The following PSG4 variants were observed in gnomAD, a reference collection of about 807,000 sequenced individuals.
PSG4 encodes pregnancy specific beta-1-glycoprotein 4.
A neutral mutation model predicts 44.3 loss-of-function variants in PSG4; 61 were observed. The ratio of observed to expected loss-of-function variants is 1.38; its 90% CI spans 1.12 to 1.70. The LOEUF (loss-of-function observed/expected upper bound fraction) is 1.70. PSG4 is among the 40% of genes most tolerant of loss of function. The probability of loss-of-function intolerance (pLI) is 0.00; values close to 1 mark genes in which losing one functional copy is unlikely to be tolerated. For missense variants in PSG4, 677 were observed against 511.7 expected, an observed-to-expected ratio of 1.32 and a Z score of -3.12; for synonymous variants, 248 against 191.3, an observed-to-expected ratio of 1.30 and a Z score of -2.45.
chr19:43,194,067 CA>C, intron 5 of PSG4: 1 of 1,196,994 alleles, frequency 8.4e-7, no homozygotes, highest in East Asian at 2.6e-5. Flanking sequence ...AAATAAAAAT[CA>C]TAAAAATATT....
intron 3 of PSG4, chr19:43,196,755 G>T (rs191069615): frequency 6.6e-6 from 1 of 151,084 alleles, no homozygotes; most frequent in Non-Finnish European, 1.5e-5. Context: ...ATTTTCTGTC[G>T]TCAGAACTTT....
chr19:43,198,167 C>T lies in PSG4; in HGVS notation c.539G>A (p.Trp180Ter), dbSNP rs1355983128. The change falls in exon 3 of 6, where the codon TGG (tryptophan) becomes TAG (stop). Residue 180 changes from tryptophan (W) to a stop codon, truncating the protein, a stop_gained. Transcript: ENST00000405312. LOFTEE classifies it high-confidence loss of function. The part of the protein sequence containing the change: ...DPATPAASYQ[W>*]WMNGQSLPMT... ...AGGGAGGCTCTGACCATTCATCCAC[C>T]ACTGGTAGCTTGCGGCTGGAGTCGC... 3 of 1,587,958 alleles carry T rather than the reference C, an allele frequency of 1.9e-6. No individual in the cohort carries two copies. The highest frequency in any genetic ancestry group is 2.6e-6 in the Non-Finnish European group (3 of 1,171,934).
rs368851887 is a variant in PSG4, at chr19:43,195,213, A to G, written c.770T>C (p.Val257Ala). 9.9e-6 allele frequency: 16 copies of G among 1,610,222 alleles called. 1 individual carries two copies. Among genetic ancestry groups the G allele is most frequent in the African/African-American group, 2.7e-5 (2 of 74,408 alleles). Residue 257 changes from valine to alanine, a missense_variant, in exon 4 of 6, where the codon GTC becomes GCC. Physicochemically the swap from Val to Ala is moderately conservative, Grantham distance 64. Transcript: ENST00000405312. ...CTTAGGTTCACAGGTGAAGGTTAAG[A>G]CATCCTTATTCTCTCTGGGGTTTAA... is the stretch of plus-strand genomic sequence containing the variant. The part of the protein sequence containing the change: ...NNLNPRENKD[V>A]LTFTCEPKSK...
Position 43,196,916 on chromosome 19 carries a change from A to C in PSG4, c.709+1081T>G, listed in dbSNP as rs1325840005. The C allele has an allele frequency of 6.6e-5, 9 of 135,722 alleles. 1 individual carries two copies. In the East Asian group the frequency reaches 1.8e-3, roughly 26 times the overall value. The allele number at this position is 135,722 out of a possible 1,614,324, so 8.4% of individuals were successfully genotyped here. A position where few individuals can be genotyped will look rare whatever the true frequency, so the allele number is the denominator to read the frequency against. ...TAGGGGTTGCATTGAATCTGCAACT[A>C]ACTTTGGGTAGTATTGTCTTTCTAA... On this transcript the variant is annotated intron_variant, in intron 3 of 5. Transcript: ENST00000405312.
chr19:43,200,234 G>A (rs1967441420), intron 2 of PSG4, among the ~76,000 whole-genome samples: 2 of 144,530 alleles, frequency 1.4e-5, no homozygotes, highest in South Asian at 2.2e-4. Flanking sequence ...TATGAAAATG[G>A]CATCATCATG....
chr19:43,204,835 C>A lies in PSG4; in HGVS notation c.65-584G>T, dbSNP rs558879402. 25 of 426,416 alleles carry A rather than the reference C, an allele frequency of 5.9e-5. 3 individuals are homozygous for A. Among genetic ancestry groups the A allele is most frequent in the African/African-American group, 4.2e-4 (18 of 42,418 alleles). The allele number at this position is 426,416 out of a possible 1,614,324, so 26.4% of individuals were successfully genotyped here. A position where few individuals can be genotyped will look rare whatever the true frequency, so the allele number is the denominator to read the frequency against. The stretch of plus-strand genomic sequence containing the variant: ...CCACCCTCTGGATGTTTCTTTTTCC[C>A]CCCAATTGTTGAGGTTTCTTGCTGA... On this transcript the variant is annotated intron_variant, in intron 1 of 5. Transcript: ENST00000405312.
chr19:43,194,440 G>T lies in PSG4; in HGVS notation c.1143C>A (p.Ile381=). The change falls in exon 5 of 6, where the codon ATC becomes ATA. Residue 381 remains isoleucine, a synonymous_variant. Transcript: ENST00000405312. The stretch of plus-strand genomic sequence containing the variant: ...CACTATGCTTTGTAGTTATTTGGGG[G>T]ATAGAGAGCTTTTGTCCTGATAGCT... The part of the protein sequence containing the change: ...KFQLSGQKLS[I]PQITTKHSGL... 1 of 1,612,428 alleles carries T rather than the reference G, an allele frequency of 6.2e-7. No individual in the cohort carries two copies. The highest frequency in any genetic ancestry group is 1.1e-5 in the South Asian group (1 of 91,028).
At chr19:43,204,608 C>G (rs1236713895) in intron 1 of PSG4, 1 of 254,346 alleles carries the variant, frequency 3.9e-6, no homozygotes, top group Non-Finnish European at 7.1e-6. Flanking sequence ...CTGGGTCTTC[C>G]CTTTCTGACC....
chr19:43,204,701 A>ACCGCCC, intron 1 of PSG4: 1 of 183,408 alleles, frequency 5.5e-6, no homozygotes, highest in Non-Finnish European at 9.5e-6. Flanking sequence ...TCTTCCCCCC[A>ACCGCCC]CGATGACTGT....
In PSG4 at chr19:43,194,323, T is replaced by C. The variant is rs760003046; in HGVS notation, c.1243+17A>G. On this transcript the variant is annotated intron_variant, in intron 5 of 5. Transcript: ENST00000405312. The stretch of plus-strand genomic sequence containing the variant: ...CCACCTAAATCCCTATTGCCAAGGA[T>C]GCTGGGATCCACTTACCAGAGACTT... 3.1e-6 allele frequency: 5 copies of C among 1,612,182 alleles called. No homozygotes were observed. The East Asian group carries it at 1.1e-4, about 36-fold the overall frequency.
rs1399993388 is a variant in PSG4 at position 43,193,300 on chromosome 19, C to T, written c.*72G>A. On this transcript the variant is annotated 3_prime_UTR_variant, in exon 6 of 6. Transcript: ENST00000405312. The stretch of plus-strand genomic sequence containing the variant: ...AGTTGTCCACCTCCAGCTTATAGGG[C>T]TTCTGGAACAGAGTGGGTCTTGCTC... 1 of 774,116 alleles carries T rather than the reference C, an allele frequency of 1.3e-6. No individual in the cohort carries two copies. The highest frequency in any genetic ancestry group is 2.4e-5 in the East Asian group (1 of 41,242). 48.0% of individuals were successfully genotyped at this position (774,116 alleles called of 1,614,324 possible).
At chr19:43,198,308 G>A in intron 2 of PSG4, 33 bp from the exon 3 acceptor site, 3 of 1,563,290 alleles carry the variant, frequency 1.9e-6, no homozygotes, top group Non-Finnish European at 2.6e-6. Flanking sequence ...TTTGCCCTGT[G>A]TGGCATCTTT....
chr19:43,196,570 T>C (rs983812431), intron 3 of PSG4: 2 of 151,678 alleles, frequency 1.3e-5, no homozygotes, highest in Non-Finnish European at 2.9e-5. Flanking sequence ...AGCATTTCTT[T>C]TCAGCATCAG....
At chr19:43,196,439 T>TA (rs1967249565) in intron 3 of PSG4, 1 of 151,620 alleles carries the variant, frequency 6.6e-6, no homozygotes, top group Non-Finnish European at 1.5e-5. Flanking sequence ...GTATTATGCA[T>TA]AAGACTTAGA....
rs1018608552 is a variant in PSG4, at chr19:43,199,561, A to C, written c.431-1286T>G. Among the ~76,000 whole-genome samples the C allele has an allele frequency of 3.4e-5, 5 of 145,666 alleles. 1 individual carries two copies. Among genetic ancestry groups the C allele is most frequent in the African/African-American group, 1.3e-4 (5 of 38,020 alleles). On this transcript the variant is annotated intron_variant, in intron 2 of 5. Transcript: ENST00000405312. ...TAAAATCCACAATGCGCCAGTGAGC[A>C]CTTCTTTTTAGCATCACATCAGTGG...
In PSG4 at chr19:43,194,421, G is replaced by A. The variant is rs199732058; in HGVS notation, c.1162C>T (p.His388Tyr). The change falls in exon 5 of 6, where the codon CAT becomes TAT. Residue 388 changes from histidine (H) to tyrosine (Y), a missense_variant. His to Tyr is a moderately conservative substitution (Grantham distance 83, BLOSUM62 2). Coordinates refer to ENST00000405312, the MANE Select transcript of PSG4 (RefSeq NM_002780.5). ...ACAGAGCAAGCATAGAGCCCACTAT[G>A]CTTTGTAGTTATTTGGGGGATAGAG... ...KLSIPQITTKHSGLYACSVRN... is the reference protein window; with the variant it reads ...KLSIPQITTKYSGLYACSVRN... 1.1e-4 allele frequency: 175 copies of A among 1,612,324 alleles called. 3 individuals are homozygous for A. Among genetic ancestry groups the A allele is most frequent in the Non-Finnish European group, 1.2e-4 (137 of 1,179,122 alleles).
chr19:43,203,957 T>C lies in PSG4; in HGVS notation c.359A>G (p.Tyr120Cys). The change falls in exon 2 of 6, where the codon TAC becomes TGC. Residue 120 changes from tyrosine (Y) to cysteine (C), a missense_variant. Tyr to Cys is a radical substitution (Grantham distance 194). Coordinates refer to ENST00000405312, the MANE Select transcript of PSG4 (RefSeq NM_002780.5). ...QNVTQEDAGS[Y>C]TLHIIKRRDG... ...GCGTCGCTTTATGATGTGTAAGGTG[T>C]AGGATCCTGCATCCTCCTGCGTGAC... 6.3e-7 allele frequency: 1 copy of C among 1,587,342 alleles called. No individual in the cohort carries two copies. The highest frequency in any genetic ancestry group is 8.5e-7 in the Non-Finnish European group (1 of 1,171,468).
intron 1 of PSG4, among the ~76,000 whole-genome samples, chr19:43,205,111 C>CTTTTTTTTCTT (rs1967717764): frequency 1.1e-5 from 1 of 90,852 alleles, no homozygotes; most frequent in African/African-American, 5.2e-5. Flanking sequence ...TTCCTTTTTT[C>CTTTTTTTTCTT]TTTTTTTTTT....
In PSG4 at chr19:43,193,385, C is replaced by T. The variant is rs766484868; in HGVS notation, c.1247G>A (p.Trp416Ter). ...AACTAGTAGAATTCAGGGTAATATCCAGTCTACAGGTGGATAATAAAAACA... is the reference window on the plus strand; with the variant it reads ...AACTAGTAGAATTCAGGGTAATATCTAGTCTACAGGTGGATAATAAAAACA... Reference protein sequence around the residue: ...SKSITVKVSDWILP With the variant: ...SKSITVKVSD The change falls in exon 6 of 6, where the codon TGG becomes TAG. Residue 416 changes from tryptophan (W) to a stop codon, truncating the protein, a stop_gained. Coordinates refer to ENST00000405312, the MANE Select transcript of PSG4 (RefSeq NM_002780.5). LOFTEE classifies it high-confidence loss of function. 2.7e-5 allele frequency: 21 copies of T among 771,914 alleles called. No individual in the cohort carries two copies. Among genetic ancestry groups the T allele is most frequent in the Non-Finnish European group, 4.3e-5 (18 of 417,598 alleles). The allele number at this position is 771,914 out of a possible 1,614,324, so 47.8% of individuals were successfully genotyped here. A position where few individuals can be genotyped will look rare whatever the true frequency, so the allele number is the denominator to read the frequency against.
Sources: allele counts gnomAD v4.1 joint callset (sites outside exome capture counted in the v4.1 genomes callset), GRCh38; gene constraint gnomAD v4.1.1; transcripts MANE v1.5; gene names NCBI Gene and HGNC (gene_info 2026-07-23, HGNC 2026-07-21).